RMDN1: variants seen among roughly 807,000 people sequenced by gnomAD.
RMDN1 encodes the protein regulator of microtubule dynamics 1.
Under a neutral mutation model 48.9 loss-of-function variants are expected in RMDN1, and 48 were observed. The ratio of observed to expected loss-of-function variants is 0.98; its 90% CI spans 0.78 to 1.25. RMDN1 has a LOEUF of 1.25. Among genes scored for constraint, RMDN1 ranks in the 50% most tolerant of loss-of-function variants. The probability of loss-of-function intolerance (pLI) is 0.00; values close to 1 mark genes in which losing one functional copy is unlikely to be tolerated. For missense variants in RMDN1, 418 were observed against 373.4 expected (o/e 1.12, Z -0.98); for synonymous variants, 148 against 132.6 (o/e 1.12, Z -0.80).
Position 86,486,497 on chromosome 8 carries a change from A to G in RMDN1, c.482T>C (p.Phe161Ser). ...KRALEKNESSFASHKWYAICL... is the reference protein window; with the variant it reads ...KRALEKNESSSASHKWYAICL... Reference sequence around the variant, plus strand: ...TAAGCAACTCACCTTATGAGATGCAAAACTTGATTCATTTTTTTCTAGTGC... The same window carrying G: ...TAAGCAACTCACCTTATGAGATGCAGAACTTGATTCATTTTTTTCTAGTGC... Residue 161 changes from phenylalanine to serine, a missense_variant, in exon 4 of 10, where the codon TTT (phenylalanine) becomes TCT (serine). Physicochemically the swap from Phe to Ser is radical, Grantham distance 155 (BLOSUM62 -2). Transcript: ENST00000406452. The G allele has an allele frequency of 6.3e-7, 1 of 1,598,156 alleles. No homozygotes were observed. Among genetic ancestry groups the G allele is most frequent in the Non-Finnish European group, 8.5e-7 (1 of 1,170,236 alleles).
At chr8:86,507,648 A>T (rs1361670692) in intron 1 of RMDN1, among the ~76,000 whole-genome samples, 1 of 152,144 alleles carries the variant, frequency 6.6e-6, no homozygotes, top group Non-Finnish European at 1.5e-5. Context: ...CTAAAATGGG[A>T]CTTCAAACTC....
At chr8:86,505,877 T>C (rs1194324640) in intron 2 of RMDN1, among the ~76,000 whole-genome samples, 1 of 152,254 alleles carries the variant, frequency 6.6e-6, no homozygotes, top group Admixed American at 6.5e-5. Context: ...AAACTCTTAA[T>C]TTCCCATAAA....
At chr8:86,501,348 T>A (rs1431195355) in intron 2 of RMDN1, among the ~76,000 whole-genome samples, 1 of 152,162 alleles carries the variant, frequency 6.6e-6, no homozygotes, top group African/African-American at 2.4e-5. Flanking sequence ...CAAAATACAC[T>A]GAAACTAAAT....
At chr8:86,508,357 GCA>G in intron 1 of RMDN1, 133 bp downstream of exon 1, 1 of 954,928 alleles carries the variant, frequency 1.0e-6, no homozygotes, top group Non-Finnish European at 1.5e-6. Context: ...GGCGTTCCAG[GCA>G]CAGTGGCCCC....
At chr8:86,503,385 A>AAAAAAAAAAAAAAAAAAAACAAAAC (rs1554594088) in intron 2 of RMDN1, among the ~76,000 whole-genome samples, 12 of 81,058 alleles carry the variant, frequency 1.5e-4, no homozygotes, top group African/African-American at 2.7e-4. Flanking sequence ...AAAAAAAAAA[A>AAAAAAAAAAAAAAAAAAAACAAAAC]AAAACAAAAA....
intron 9 of RMDN1, 129 bp downstream of exon 9, chr8:86,474,691 C>T (rs755559856): frequency 1.6e-5 from 15 of 922,316 alleles, no homozygotes; most frequent in Non-Finnish European, 5.4e-6. Context: ...TCAATTTACA[C>T]TTGAAATGAA....
chr8:86,498,084 G>T (rs1278370555), intron 2 of RMDN1, among the ~76,000 whole-genome samples: 1 of 152,152 alleles, frequency 6.6e-6, no homozygotes, highest in Non-Finnish European at 1.5e-5. Context: ...CAACAAGAGT[G>T]AAACTCCATC....
intron 2 of RMDN1, among the ~76,000 whole-genome samples, chr8:86,489,622 G>A (rs919307083): frequency 6.6e-6 from 1 of 152,084 alleles, no homozygotes. Context: ...ACCACGTCAG[G>A]AGATTGAGAC....
At chr8:86,484,179 C>T (rs373403482) in intron 5 of RMDN1, among the ~76,000 whole-genome samples, 10 of 152,246 alleles carry the variant, frequency 6.6e-5, no homozygotes, top group African/African-American at 2.2e-4. Flanking sequence ...GAACTTTGTA[C>T]ATTGGATCTT....
chr8:86,488,708 A>G lies in RMDN1; in HGVS notation c.248-69T>C, dbSNP rs560182028. The G allele has an allele frequency of 4.0e-5, 41 of 1,033,818 alleles. No homozygotes were observed. The African/African-American group carries it at 5.5e-4, about 14-fold the overall frequency. The allele number at this position is 1,033,818 out of a possible 1,614,324, so 64.0% of individuals were successfully genotyped here. ...TCCCAAGTCAGATGACAATAATTCA[A>G]AGAAACTTAAACACTTTTATATATA... On this transcript the variant is annotated intron_variant, in intron 2 of 9. Coordinates refer to ENST00000406452, the MANE Select transcript of RMDN1 (RefSeq NM_016033.3).
rs192611005 is a variant in RMDN1, at chr8:86,502,946, A to G, written c.247+4049T>C. On this transcript the variant is annotated intron_variant, in intron 2 of 9. Transcript: ENST00000406452. Reference sequence around the variant, plus strand: ...ATAAACCGTTAATAAAGCATCACTGAGGCAGCTCTAATTTCTAGGAAAAAA... The same window carrying G: ...ATAAACCGTTAATAAAGCATCACTGGGGCAGCTCTAATTTCTAGGAAAAAA... Among the ~76,000 whole-genome samples the G allele has an allele frequency of 1.8e-3, 272 of 152,370 alleles. 4 individuals carry two copies. Among genetic ancestry groups the G allele is most frequent in the African/African-American group, 6.1e-3 (253 of 41,590 alleles).
In RMDN1 at chr8:86,508,569, C is replaced by A. The variant is rs566669187; in HGVS notation, c.52G>T (p.Ala18Ser). 1.9e-6 allele frequency: 3 copies of A among 1,601,396 alleles called. No individual in the cohort carries two copies. Among genetic ancestry groups the A allele is most frequent in the South Asian group, 2.2e-5 (2 of 89,660 alleles). Residue 18 changes from alanine to serine, a missense_variant, in exon 1 of 10, where the codon GCC becomes TCC. Transcript: ENST00000406452. ...CCCGCAGGGAGACGAGACCCCGGGG[C>A]GGCTCCACGTCGGAAAGGCAGAAGG... Reference protein sequence around the residue: ...WRLLPFRRGAAPGSRLPAGTS... With the variant: ...WRLLPFRRGASPGSRLPAGTS...
intron 2 of RMDN1, chr8:86,504,364 T>A: frequency 6.4e-7 from 1 of 1,572,354 alleles, no homozygotes; most frequent in Non-Finnish European, 8.7e-7. Context: ...GCTGGAGTTC[T>A]TTAGAGTATC....
At chr8:86,511,910 T>C (rs954707287), upstream of RMDN1, among the ~76,000 whole-genome samples, 5 of 151,422 alleles carry the variant, frequency 3.3e-5, no homozygotes, top group African/African-American at 4.8e-5. Context: ...AATATGAGGA[T>C]CAAAATACAT....
upstream of RMDN1, among the ~76,000 whole-genome samples, chr8:86,511,099 G>A (rs1455093132): frequency 1.3e-5 from 2 of 152,034 alleles, no homozygotes; most frequent in African/African-American, 2.4e-5. Flanking sequence ...AAGTGTCCAA[G>A]GTTGCAGGGA....
At chr8:86,471,540 T>C (rs773201345), downstream of RMDN1, among the ~76,000 whole-genome samples, 3 of 152,094 alleles carry the variant, frequency 2.0e-5, no homozygotes, top group Admixed American at 6.6e-5. Context: ...AAAATGCAGA[T>C]GTGAATGACT....
chr8:86,478,854 G>A, intron 7 of RMDN1, 69 bp downstream of exon 7: 2 of 1,231,940 alleles, frequency 1.6e-6, no homozygotes, highest in Non-Finnish European at 2.4e-6. Context: ...CTCCACATGT[G>A]TGAACACATG....
intron 3 of RMDN1, 138 bp from the exon 4 acceptor site, chr8:86,486,781 G>A (rs1432155841): frequency 5.9e-6 from 3 of 511,322 alleles, no homozygotes; most frequent in East Asian, 6.7e-5. Context: ...TAGTAATAAT[G>A]CTAAATTTAT....
chr8:86,500,224 G>A (rs981984990), intron 2 of RMDN1, among the ~76,000 whole-genome samples: 2 of 151,914 alleles, frequency 1.3e-5, no homozygotes, highest in Non-Finnish European at 2.9e-5. Context: ...AGAAACTATC[G>A]ACAGGTTTCT....
Sources: allele counts gnomAD v4.1 joint callset (sites outside exome capture counted in the v4.1 genomes callset), GRCh38; gene constraint gnomAD v4.1.1; transcripts MANE v1.5; gene names NCBI Gene and HGNC (gene_info 2026-07-23, HGNC 2026-07-21).